The following BICC1 variants were observed in gnomAD, a reference collection of about 807,000 sequenced individuals.
BICC1 encodes the protein BicC family RNA binding protein 1.
In BICC1, 43 loss-of-function variants were observed where a neutral mutation model predicts 111.0. That is an observed-to-expected ratio of 0.39 (90% confidence interval 0.30 to 0.50). The LOEUF is 0.50. BICC1 is among the 20% of genes least tolerant of loss of function. The pLI is 0.88. For synonymous variants in BICC1, 467 were observed against 434.4 expected, an observed-to-expected ratio of 1.07 and a Z score of -0.93; for missense variants, 1,091 against 1,203.2, an observed-to-expected ratio of 0.91 and a Z score of 1.38.
At chr10:58,576,053 G>T (rs1481757858) in intron 1 of BICC1, among the ~76,000 whole-genome samples, 2 of 152,054 alleles carry the variant, frequency 1.3e-5, no homozygotes, top group Non-Finnish European at 1.5e-5. Context: ...ACTTTATGTG[G>T]ATTAAATGTC....
At chr10:58,555,789 A>G (rs928545145) in intron 1 of BICC1, among the ~76,000 whole-genome samples, 3 of 152,170 alleles carry the variant, frequency 2.0e-5, no homozygotes, top group Admixed American at 2.0e-4. Flanking sequence ...AGTGACTTCA[A>G]AGCCTTTAAC....
At chr10:58,577,897 C>G (rs1844158723) in intron 1 of BICC1, among the ~76,000 whole-genome samples, 1 of 152,160 alleles carries the variant, frequency 6.6e-6, no homozygotes, top group African/African-American at 2.4e-5. Flanking sequence ...TCAGCTAGAG[C>G]AAGCTGTGTT....
Position 58,538,525 on chromosome 10 carries a change from A to C in BICC1, c.190+25192A>C, listed in dbSNP as rs548459388. ...TGAAACCATGAAAATTCTAGAAGAAAAACTTTTCTGGACATTGGCCTAAGC... is the reference window on the plus strand; with the variant it reads ...TGAAACCATGAAAATTCTAGAAGAACAACTTTTCTGGACATTGGCCTAAGC... On this transcript the variant is annotated intron_variant, in intron 1 of 20. Coordinates refer to ENST00000373886, the MANE Select transcript of BICC1 (RefSeq NM_001080512.3). Among the ~76,000 whole-genome samples the C allele has an allele frequency of 2.0e-5, 3 of 152,062 alleles. No individual in the cohort carries two copies. The South Asian group carries it at 6.2e-4, about 31-fold the overall frequency.
At chr10:58,753,492 T>C (rs1290327864) in intron 3 of BICC1, among the ~76,000 whole-genome samples, 1 of 152,156 alleles carries the variant, frequency 6.6e-6, no homozygotes, top group Non-Finnish European at 1.5e-5. Context: ...TATGTAGACC[T>C]TTGATCCATC....
rs921476129 is a variant in BICC1 at position 58,768,023 on chromosome 10, TCTTA to T, written c.308-16973_308-16970del. On this transcript the variant is annotated intron_variant, in intron 3 of 20. Transcript: ENST00000373886. ...GAGAAAAGAAAGAAAAGGGTAGAAA[TCTTA>T]CTTAAATAAATAATGGCTGAAAACT... 9.9e-5 allele frequency among the ~76,000 whole-genome samples: 15 copies of T among 152,042 alleles called. No individual in the cohort carries two copies. In the East Asian group the frequency reaches 2.3e-3, roughly 24 times the overall value.
chr10:58,803,355 A>C, intron 15 of BICC1, 113 bp downstream of exon 15: 1 of 904,638 alleles, frequency 1.1e-6, no homozygotes, highest in Non-Finnish European at 1.5e-6. Context: ...CTTCTGTGCT[A>C]CATTCAAAAT....
intron 3 of BICC1, among the ~76,000 whole-genome samples, chr10:58,727,371 G>C (rs1841139016): frequency 6.6e-6 from 1 of 152,044 alleles, no homozygotes; most frequent in Admixed American, 6.6e-5. Flanking sequence ...CAGATCACTT[G>C]AGCCCAGGAG....
At chr10:58,735,539 A>G in intron 3 of BICC1, among the ~76,000 whole-genome samples, 1 of 151,546 alleles carries the variant, frequency 6.6e-6, no homozygotes, top group African/African-American at 2.4e-5. Flanking sequence ...AACATTTTTA[A>G]GTACCTTCCC....
chr10:58,519,949 CAT>C (rs1182262074), intron 1 of BICC1, among the ~76,000 whole-genome samples: 3 of 152,176 alleles, frequency 2.0e-5, no homozygotes, highest in African/African-American at 4.8e-5. Flanking sequence ...ACTGTCCACA[CAT>C]GTCAGATTTG....
chr10:58,793,280 G>A (rs184660050), intron 8 of BICC1, among the ~76,000 whole-genome samples: 6 of 152,200 alleles, frequency 3.9e-5, no homozygotes, highest in East Asian at 1.9e-4. Context: ...ATATAATTTC[G>A]TCATCCAAAA....
chr10:58,792,823 T>C (rs1224506312), intron 8 of BICC1, among the ~76,000 whole-genome samples: 1 of 152,160 alleles, frequency 6.6e-6, no homozygotes, highest in Admixed American at 6.5e-5. Flanking sequence ...GTAATGTGCT[T>C]GAATCATCTG....
intron 1 of BICC1, among the ~76,000 whole-genome samples, chr10:58,529,618 C>T (rs1175246017): frequency 6.6e-6 from 1 of 151,712 alleles, no homozygotes; most frequent in Non-Finnish European, 1.5e-5. Context: ...TTGAGTCTTG[C>T]AGGAGGAATC....
At chr10:58,670,012 G>A (rs914157155) in intron 2 of BICC1, among the ~76,000 whole-genome samples, 11 of 152,066 alleles carry the variant, frequency 7.2e-5, no homozygotes, top group Admixed American at 3.9e-4. Context: ...GTTTTAGATC[G>A]TGCTTTTAAA....
At chr10:58,765,966 T>C (rs976512552) in intron 3 of BICC1, among the ~76,000 whole-genome samples, 2 of 152,210 alleles carry the variant, frequency 1.3e-5, no homozygotes, top group Non-Finnish European at 2.9e-5. Flanking sequence ...CACAATAAAG[T>C]TAGTCCACAA....
chr10:58,761,359 C>T (rs1005756303), intron 3 of BICC1, among the ~76,000 whole-genome samples: 3 of 152,088 alleles, frequency 2.0e-5, no homozygotes, highest in East Asian at 1.9e-4. Flanking sequence ...GGTTTAAAAT[C>T]GATGTGAGAG....
chr10:58,519,674 T>C (rs1324267496), intron 1 of BICC1, among the ~76,000 whole-genome samples: 1 of 152,164 alleles, frequency 6.6e-6, no homozygotes, highest in Non-Finnish European at 1.5e-5. Flanking sequence ...AGAGGCTCCC[T>C]AGAATTTCTT....
At chr10:58,533,096 T>C (rs1315272116) in intron 1 of BICC1, among the ~76,000 whole-genome samples, 2 of 46,250 alleles carry the variant, frequency 4.3e-5, no homozygotes, top group Non-Finnish European at 1.3e-4. Flanking sequence ...CTGGTTATTA[T>C]GAGAGTGTTT....
intron 1 of BICC1, among the ~76,000 whole-genome samples, chr10:58,612,309 T>C (rs1845452912): frequency 6.6e-6 from 1 of 152,240 alleles, no homozygotes; most frequent in Admixed American, 6.5e-5. Context: ...TCTGGGAATG[T>C]ATAGAAACTG....
chr10:58,671,209 G>A (rs1174424007), intron 2 of BICC1, among the ~76,000 whole-genome samples: 1 of 152,142 alleles, frequency 6.6e-6, no homozygotes, highest in Non-Finnish European at 1.5e-5. Context: ...TGCAGACATA[G>A]AAAACCAAAG....
Sources: gnomAD v4.1 joint callset for allele counts (sites outside exome capture counted in the v4.1 genomes callset) on GRCh38, gnomAD v4.1.1 for gene constraint, MANE v1.5 for transcripts, NCBI Gene and HGNC (gene_info 2026-07-23, HGNC 2026-07-21) for gene names.